The following IZUMO2 variants were observed in gnomAD, a reference collection of about 807,000 sequenced individuals.
The protein encoded by IZUMO2 is IZUMO family member 2, also known as izumo sperm-egg fusion protein 2.
A neutral mutation model predicts 31.2 loss-of-function variants in IZUMO2; 24 were observed. The observed-to-expected ratio is 0.77, with a 90% confidence interval of 0.56 to 1.08. The LOEUF is 1.08. Among genes scored for constraint, IZUMO2 ranks in the 50% least tolerant of loss-of-function variants. IZUMO2 has a pLI of 0.00. For synonymous variants in IZUMO2, 144 were observed against 117.3 expected (o/e 1.23, Z -1.47); for missense variants, 278 against 274.0 (o/e 1.01, Z -0.10).
chr19:50,159,341 G>C, intron 3 of IZUMO2, 91 bp from the exon 4 acceptor site: 3 of 1,411,538 alleles, frequency 2.1e-6, no homozygotes, highest in Non-Finnish European at 3.0e-6. Flanking sequence ...TAAGGGGTGA[G>C]GCTGGGAAAG....
rs1014997018 is a variant in IZUMO2 at position 50,154,737 on chromosome 19, T to G, written c.497-11A>C. 1 of 1,612,666 alleles carries G rather than the reference T, an allele frequency of 6.2e-7. No individual in the cohort carries two copies. The highest frequency in any genetic ancestry group is 8.5e-7 in the Non-Finnish European group (1 of 1,179,570). ...GGGGTTGCCGGTCGACTGGGGCGGG[T>G]GGGGAAACAGCCCCGACCTCCACGT... is the stretch of plus-strand genomic sequence containing the variant. On this transcript the variant is annotated splice_polypyrimidine_tract_variant and intron_variant, in intron 5 of 6. Transcript: ENST00000293405.
intron 2 of IZUMO2, among the ~76,000 whole-genome samples, chr19:50,162,252 G>C (rs987115368): frequency 4.0e-5 from 6 of 151,886 alleles, no homozygotes; most frequent in Non-Finnish European, 5.9e-5. Flanking sequence ...CACTGCACTC[G>C]AGCCTGGGTG....
Position 50,158,253 on chromosome 19 carries a change from C to T in IZUMO2, c.496+15G>A. The T allele has an allele frequency of 1.3e-6, 2 of 1,574,252 alleles. No individual in the cohort carries two copies. Among genetic ancestry groups the T allele is most frequent in the East Asian group, 2.3e-5 (1 of 44,088 alleles). The stretch of plus-strand genomic sequence containing the variant: ...CACGCCTGTCCCATGTCTTCCCCCA[C>T]CCCCAGAAGCTTACCAAAGCAGTAC... On this transcript the variant is annotated intron_variant, in intron 5 of 6. Coordinates refer to ENST00000293405, the MANE Select transcript of IZUMO2 (RefSeq NM_152358.3).
chr19:50,159,745 T>A (rs867338816), intron 2 of IZUMO2, among the ~76,000 whole-genome samples, 165 bp from the exon 3 acceptor site: 9 of 152,242 alleles, frequency 5.9e-5, no homozygotes, highest in African/African-American at 1.7e-4. Flanking sequence ...GCCAGGGAGA[T>A]CCTGCATCTA....
chr19:50,163,233 G>T lies in IZUMO2; in HGVS notation c.-39C>A, dbSNP rs1203813850. On this transcript the variant is annotated 5_prime_UTR_variant, in exon 1 of 7. Transcript: ENST00000293405. ...TGACGTCACAGAGAGAACCCGGCCC[G>T]CCCCGCCTCCCAGGCGAGGGCGCGG... is the stretch of plus-strand genomic sequence containing the variant. The T allele has an allele frequency of 6.7e-7, 1 of 1,491,186 alleles. No homozygotes were observed. The highest frequency in any genetic ancestry group is 9.1e-7 in the Non-Finnish European group (1 of 1,101,018). The allele number at this position is 1,491,186 out of a possible 1,614,324, so 92.4% of individuals were successfully genotyped here.
At position 50,159,079 on chromosome 19, in the gene IZUMO2, C is replaced by T. The variant is rs1374898250; in HGVS notation, c.415+151G>A. On this transcript the variant is annotated intron_variant, in intron 4 of 6. Coordinates refer to ENST00000293405, the MANE Select transcript of IZUMO2 (RefSeq NM_152358.3). ...GCAGATAGTCATTATTTTCATAAAC[C>T]TTTAAAAAGCAAATCTCCCTAGGTA... 8.1e-6 allele frequency: 6 copies of T among 736,508 alleles called. No homozygotes were observed. The African/African-American group carries it at 1.1e-4, about 13-fold the overall frequency. The allele number at this position is 736,508 out of a possible 1,614,324, so 45.6% of individuals were successfully genotyped here.
intron 2 of IZUMO2, among the ~76,000 whole-genome samples, chr19:50,162,461 G>C (rs1027395452): frequency 1.1e-4 from 16 of 151,494 alleles, no homozygotes; most frequent in Non-Finnish European, 2.4e-4. Context: ...TTAAAAAGTA[G>C]AAAATTAGCC....
At chr19:50,161,517 T>C (rs1051218878) in intron 2 of IZUMO2, among the ~76,000 whole-genome samples, 27 of 152,168 alleles carry the variant, frequency 1.8e-4, no homozygotes, top group Non-Finnish European at 3.5e-4. Context: ...TTCCCTCCCC[T>C]TAACTCTAAG....
At chr19:50,161,908 G>A (rs537562683) in intron 2 of IZUMO2, among the ~76,000 whole-genome samples, 11 of 152,114 alleles carry the variant, frequency 7.2e-5, no homozygotes, top group East Asian at 1.9e-4. Context: ...CACATCCCCC[G>A]CTCCCCCCCA....
At chr19:50,156,018 T>C (rs1220450758) in intron 5 of IZUMO2, among the ~76,000 whole-genome samples, 1 of 152,188 alleles carries the variant, frequency 6.6e-6, no homozygotes, top group Non-Finnish European at 1.5e-5. Context: ...TTCCTTCAGC[T>C]TTCAAAAGTC....
chr19:50,160,723 A>C (rs2030369931), intron 2 of IZUMO2: 1 of 151,740 alleles, frequency 6.6e-6, no homozygotes, highest in South Asian at 2.1e-4. Flanking sequence ...CAGGCGATCC[A>C]CCTGTCTCGG....
chr19:50,159,784 A>C (rs1418584032), intron 2 of IZUMO2, among the ~76,000 whole-genome samples: 1 of 152,096 alleles, frequency 6.6e-6, no homozygotes, highest in African/African-American at 2.4e-5. Flanking sequence ...GGCCTAGGCA[A>C]AGCCACCCTT....
rs755572893 is a variant in IZUMO2, at chr19:50,162,707, T to C, written c.307+32A>G. 2.6e-6 allele frequency: 4 copies of C among 1,559,586 alleles called. No homozygotes were observed. In the South Asian group the frequency reaches 4.4e-5, roughly 17 times the overall value. ...GGCAGACCGGCGGAAAGAAGAGGGGTGCTGGAGAAGGCGTTCCCTCGTCTC... is the reference window on the plus strand; with the variant it reads ...GGCAGACCGGCGGAAAGAAGAGGGGCGCTGGAGAAGGCGTTCCCTCGTCTC... On this transcript the variant is annotated intron_variant, in intron 2 of 6. Coordinates refer to ENST00000293405, the MANE Select transcript of IZUMO2 (RefSeq NM_152358.3).
intron 2 of IZUMO2, 112 bp downstream of exon 2, chr19:50,162,627 A>G: frequency 1.1e-6 from 1 of 904,702 alleles, no homozygotes. Flanking sequence ...AAAAGAAAAA[A>G]AAAAGGCTAC....
rs996025383 is a variant in IZUMO2 at position 50,158,252 on chromosome 19, A to C, written c.496+16T>G. The C allele has an allele frequency of 6.4e-7, 1 of 1,570,356 alleles. No individual in the cohort carries two copies. Among genetic ancestry groups the C allele is most frequent in the African/African-American group, 1.4e-5 (1 of 73,458 alleles). On this transcript the variant is annotated intron_variant, in intron 5 of 6. Coordinates refer to ENST00000293405, the MANE Select transcript of IZUMO2 (RefSeq NM_152358.3). Reference sequence around the variant, plus strand: ...GCACGCCTGTCCCATGTCTTCCCCCACCCCCAGAAGCTTACCAAAGCAGTA... The same window carrying C: ...GCACGCCTGTCCCATGTCTTCCCCCCCCCCCAGAAGCTTACCAAAGCAGTA...
At chr19:50,153,375 T>C (rs565457490) in intron 6 of IZUMO2, among the ~76,000 whole-genome samples, 2 of 152,244 alleles carry the variant, frequency 1.3e-5, no homozygotes, top group East Asian at 3.9e-4. Flanking sequence ...TTTGTGGTGA[T>C]GTTACAGCAG....
Position 50,158,438 on chromosome 19 carries a change from G to T in IZUMO2, c.416-90C>A, listed in dbSNP as rs536805216. 8.7e-6 allele frequency: 7 copies of T among 801,336 alleles called. No homozygotes were observed. In the East Asian group the frequency reaches 1.3e-4, roughly 15 times the overall value. 49.6% of individuals were successfully genotyped at this position (801,336 alleles called of 1,614,324 possible). A position where few individuals can be genotyped will look rare whatever the true frequency, so the allele number is the denominator to read the frequency against. Reference sequence around the variant, plus strand: ...GGAAGAAGGAGAAAGAGGAGATGGGGTCCCTTGGCTTCTCCTAAATTTCAT... The same window carrying T: ...GGAAGAAGGAGAAAGAGGAGATGGGTTCCCTTGGCTTCTCCTAAATTTCAT... On this transcript the variant is annotated intron_variant, in intron 4 of 6. Transcript: ENST00000293405.
chr19:50,162,906 G>A lies in IZUMO2; in HGVS notation c.232+57C>T. ...GGCCTGGCCCCGACCCCTCTTGGGG[G>A]CGTGGTCTCCGGCATCCCTCGCCCA... On this transcript the variant is annotated intron_variant, in intron 1 of 6. Transcript: ENST00000293405. 2.5e-6 allele frequency: 4 copies of A among 1,606,442 alleles called. No individual in the cohort carries two copies. The Admixed American group carries it at 5.0e-5, about 20-fold the overall frequency.
chr19:50,159,345 G>C, intron 3 of IZUMO2, 95 bp from the exon 4 acceptor site: 1 of 1,402,682 alleles, frequency 7.1e-7, no homozygotes, highest in Non-Finnish European at 1.0e-6. Context: ...GGGTGAGGCT[G>C]GGAAAGGAGA....
Sources: gnomAD v4.1 joint callset for allele counts (sites outside exome capture counted in the v4.1 genomes callset) on GRCh38, gnomAD v4.1.1 for gene constraint, MANE v1.5 for transcripts, NCBI Gene and HGNC (gene_info 2026-07-23, HGNC 2026-07-21) for gene names.